Variants in SLC6A12 observed in about 807,000 individuals in gnomAD.
The protein encoded by SLC6A12 is sodium- and chloride-dependent betaine transporter.
In SLC6A12, 50 loss-of-function variants were observed where a neutral mutation model predicts 73.3. The observed-to-expected ratio is 0.68, with a 90% confidence interval of 0.54 to 0.86. The LOEUF (loss-of-function observed/expected upper bound fraction) is 0.86. Ranked by LOEUF, SLC6A12 falls within the 40% of genes least tolerant of loss-of-function variation. The pLI is 0.00. For synonymous variants in SLC6A12, 304 were observed against 309.2 expected, an observed-to-expected ratio of 0.98 and a Z score of 0.18; for missense variants, 648 against 772.8, an observed-to-expected ratio of 0.84 and a Z score of 1.92.
At chr12:184,828 G>C in the SLC6A12 span, among the ~76,000 whole-genome samples, 15 of 152,102 alleles carry the variant, frequency 9.9e-5, no homozygotes, top group Non-Finnish European at 2.2e-4. Flanking sequence ...AGCTACTGGG[G>C]AGGATGAGGC....
At chr12:205,883 T>G (rs75600178) in intron 3 of SLC6A12, among the ~76,000 whole-genome samples, 2,443 of 152,372 alleles carry the variant, frequency 0.016, 55 homozygotes, top group African/African-American at 0.055. Flanking sequence ...CCACTCTATG[T>G]ATCTATCCTA....
At chr12:200,329 C>T (rs113990466) in intron 7 of SLC6A12, among the ~76,000 whole-genome samples, 12,301 of 151,732 alleles carry the variant, frequency 0.081, 544 homozygotes, top group African/African-American at 0.12. Context: ...AGGATGGTCT[C>T]GATCTCCTGA....
At chr12:197,088 T>C (rs1591785459) in intron 10 of SLC6A12, among the ~76,000 whole-genome samples, 6 of 20,602 alleles carry the variant, frequency 2.9e-4, no homozygotes, top group Admixed American at 5.2e-4. Context: ...CATCCATCCA[T>C]CCATCCATCC....
At chr12:193,721 C>T (rs974644561) in intron 13 of SLC6A12, among the ~76,000 whole-genome samples, 2 of 152,116 alleles carry the variant, frequency 1.3e-5, no homozygotes, top group Non-Finnish European at 2.9e-5. Flanking sequence ...GCCTGTTTAC[C>T]CGGGTAGCAG....
In SLC6A12 at chr12:192,688, C is replaced by T. The variant is rs563905232; in HGVS notation, c.1531-40G>A. 2.1e-5 allele frequency: 34 copies of T among 1,589,260 alleles called. No homozygotes were observed. In the Admixed American group the frequency reaches 2.3e-4, roughly 11 times the overall value. On this transcript the variant is annotated intron_variant, in intron 14 of 15. Transcript: ENST00000684302. ...GGGCAGCCATGGGTAAGATAGGGGG[C>T]GACTGAAACCCTCTCCGCAGCTACG...
At chr12:188,608 C>T (rs1939487478), downstream of SLC6A12, among the ~76,000 whole-genome samples, 1 of 152,176 alleles carries the variant, frequency 6.6e-6, no homozygotes, top group Non-Finnish European at 1.5e-5. Context: ...GCTGGGGGCA[C>T]GCTGTCACCT....
At chr12:209,248 C>T (rs952616219) in intron 3 of SLC6A12, among the ~76,000 whole-genome samples, 6 of 152,194 alleles carry the variant, frequency 3.9e-5, no homozygotes, top group Admixed American at 2.0e-4. Flanking sequence ...CCCCTCTGCA[C>T]GCCTAGCATT....
Position 190,818 on chromosome 12 carries a change from T to G in SLC6A12, c.*250A>C. 1 of 340,246 alleles carries G rather than the reference T, an allele frequency of 2.9e-6. No homozygotes were observed. The highest frequency in any genetic ancestry group is 5.3e-6 in the Non-Finnish European group (1 of 189,456). 21.1% of individuals were successfully genotyped at this position (340,246 alleles called of 1,614,324 possible). On this transcript the variant is annotated 3_prime_UTR_variant, in exon 16 of 16. Coordinates refer to ENST00000684302, the MANE Select transcript of SLC6A12 (RefSeq NM_001122848.3). ...AAAAGACCCCCCTTTATAAAAACGA[T>G]GGTGCCTTCCCACAGGGAGTGGCGT...
chr12:186,176 C>A (rs2137089643), downstream of SLC6A12, among the ~76,000 whole-genome samples: 1 of 152,200 alleles, frequency 6.6e-6, no homozygotes. Flanking sequence ...AGGGGCCACG[C>A]CTGACTCTCA....
At chr12:208,583 A>G (rs1940764949) in intron 3 of SLC6A12, among the ~76,000 whole-genome samples, 1 of 152,202 alleles carries the variant, frequency 6.6e-6, no homozygotes, top group South Asian at 2.1e-4. Flanking sequence ...AAAAAAAATG[A>G]ATCTAACCAC....
the SLC6A12 span, among the ~76,000 whole-genome samples, chr12:184,924 C>A: frequency 6.7e-6 from 1 of 148,404 alleles, no homozygotes. Flanking sequence ...CAGAATGAAA[C>A]TGTCTCAAAA....
At chr12:188,352 C>T (rs1939477156), downstream of SLC6A12, among the ~76,000 whole-genome samples, 1 of 151,980 alleles carries the variant, frequency 6.6e-6, no homozygotes, top group Admixed American at 6.5e-5. Context: ...GCCGGCGGGG[C>T]CGGCAGGCCG....
At chr12:197,106 C>CATCTATCCATCT (rs1565468920) in intron 10 of SLC6A12, among the ~76,000 whole-genome samples, 47 of 58,652 alleles carry the variant, frequency 8.0e-4, no homozygotes, top group African/African-American at 3.1e-3. Flanking sequence ...TCCATCCATC[C>CATCTATCCATCT]ATCCATCCAT....
Position 192,634 on chromosome 12 carries a change from G to GA in SLC6A12, c.1544dup (p.Ser516LeufsTer61). ...TGAGGGGGGTGTACTTGCTCAAGGA[G>GA]AAGAGGAAAGTGGCCTGGGAGAAGG... On this transcript the variant is annotated frameshift_variant, in exon 15 of 16. Transcript: ENST00000684302. LOFTEE classifies it high-confidence loss of function. 1 of 1,614,146 alleles carries GA rather than the reference G, an allele frequency of 6.2e-7. No individual in the cohort carries two copies. The highest frequency in any genetic ancestry group is 8.5e-7 in the Non-Finnish European group (1 of 1,180,010).
chr12:197,844 A>G (rs2137135099), intron 9 of SLC6A12, 56 bp downstream of exon 9: 2 of 1,286,532 alleles, frequency 1.6e-6, no homozygotes, highest in Non-Finnish European at 1.1e-6. Flanking sequence ...TTTGCCCAGA[A>G]CCCATCCCCA....
At chr12:196,988 T>A (rs2137126637) in intron 10 of SLC6A12, 106 bp from the exon 11 acceptor site, 1 of 705,944 alleles carries the variant, frequency 1.4e-6, no homozygotes. Flanking sequence ...GCACACACTT[T>A]AAGAGGAAAG....
chr12:199,284 G>C (rs1282151881), intron 7 of SLC6A12, among the ~76,000 whole-genome samples: 2 of 152,260 alleles, frequency 1.3e-5, no homozygotes, highest in African/African-American at 4.8e-5. Context: ...TTATGAAAAA[G>C]AGTGGTATTT....
Position 195,274 on chromosome 12 carries a change from G to C in SLC6A12, c.1380C>G (p.Cys460Trp). ...LFDYYASSGI[C>W]LLFLSLFEVV... ...CTTCAAACAATGACAGGAACAGCAG[G>C]CATATGCCACTGGAAGCATAGTAGT... Residue 460 changes from cysteine (C) to tryptophan (W), a missense_variant, in exon 13 of 16, where the codon TGC becomes TGG. Cys to Trp is a radical substitution (Grantham distance 215). Transcript: ENST00000684302. 6.2e-7 allele frequency: 1 copy of C among 1,613,684 alleles called. No homozygotes were observed. Among genetic ancestry groups the C allele is most frequent in the Non-Finnish European group, 8.5e-7 (1 of 1,179,528 alleles).
At chr12:211,544 T>C (rs1348108312) in intron 2 of SLC6A12, among the ~76,000 whole-genome samples, 2 of 152,102 alleles carry the variant, frequency 1.3e-5, no homozygotes, top group African/African-American at 4.8e-5. Context: ...AGCCTCTGGG[T>C]TCAGAGTATG....
Sources: gnomAD v4.1 joint callset for allele counts (sites outside exome capture counted in the v4.1 genomes callset) on GRCh38, gnomAD v4.1.1 for gene constraint, MANE v1.5 for transcripts, NCBI Gene and HGNC (gene_info 2026-07-23, HGNC 2026-07-21) for gene names.